Variants in ZNF696 observed in about 807,000 individuals in gnomAD.
ZNF696 encodes zinc finger protein 696.
Under a neutral mutation model 12.3 loss-of-function variants are expected in ZNF696, and 10 were observed. The observed-to-expected ratio is 0.81, with a 90% confidence interval of 0.50 to 1.38. ZNF696 has a LOEUF of 1.38. Among genes scored for constraint, ZNF696 ranks in the 40% most tolerant of loss-of-function variants. ZNF696 has a pLI of 0.00. For missense variants in ZNF696, 675 were observed against 554.7 expected (o/e 1.22, Z -2.18); for synonymous variants, 304 against 243.9 (o/e 1.25, Z -2.29).
chr8:143,297,840 G>A lies in ZNF696; in HGVS notation c.*1040G>A, dbSNP rs1224271584. 1 of 152,254 alleles carries A rather than the reference G, an allele frequency of 6.6e-6. No individual in the cohort carries two copies. The highest frequency in any genetic ancestry group is 6.5e-5 in the Admixed American group (1 of 15,282). 9.4% of individuals were successfully genotyped at this position (152,254 alleles called of 1,614,324 possible). On this transcript the variant is annotated 3_prime_UTR_variant, in exon 3 of 3. Transcript: ENST00000330143. ...CGTTGGTGTCTGAGAGGGAGTTGGA[G>A]AGCTGGTTGGTGTGGAGGGAAAGGC...
rs773436156 is a variant in ZNF696, at chr8:143,296,826, C to T, written c.*26C>T. The T allele has an allele frequency of 1.6e-5, 22 of 1,376,404 alleles. No individual in the cohort carries two copies. Among genetic ancestry groups the T allele is most frequent in the African/African-American group, 7.7e-5 (5 of 64,966 alleles). 85.3% of individuals were successfully genotyped at this position (1,376,404 alleles called of 1,614,324 possible). ...GCCGGGGCTGCGGCGGAAGAGATGC[C>T]GGCGGCCTGGTGGGCGCGAGGCCGA... On this transcript the variant is annotated 3_prime_UTR_variant, in exon 3 of 3. Transcript: ENST00000330143.
At position 143,296,258 on chromosome 8, in the gene ZNF696, A is replaced by T; in HGVS notation, c.583A>T (p.Asn195Tyr). Residue 195 changes from asparagine to tyrosine, a missense_variant, in exon 3 of 3, where the codon AAC becomes TAC. Coordinates refer to ENST00000330143, the MANE Select transcript of ZNF696 (RefSeq NM_030895.3). ...CGGCAAGGCCTTCGGCCAGAGCTTC[A>T]ACCTCCTCCGGCACCAGCGCGTGCA... is the stretch of plus-strand genomic sequence containing the variant. The part of the protein sequence containing the change: ...ECGKAFGQSF[N>Y]LLRHQRVHTG... 6.3e-7 allele frequency: 1 copy of T among 1,596,716 alleles called. No individual in the cohort carries two copies. The highest frequency in any genetic ancestry group is 2.2e-5 in the East Asian group (1 of 44,690).
chr8:143,297,019 T>G lies in ZNF696; in HGVS notation c.*219T>G. 3 of 461,744 alleles carry G rather than the reference T, an allele frequency of 6.5e-6. No individual in the cohort carries two copies. The highest frequency in any genetic ancestry group is 7.3e-6 in the Non-Finnish European group (2 of 275,166). 28.6% of individuals were successfully genotyped at this position (461,744 alleles called of 1,614,324 possible). A position where few individuals can be genotyped will look rare whatever the true frequency, so the allele number is the denominator to read the frequency against. On this transcript the variant is annotated 3_prime_UTR_variant, in exon 3 of 3. Transcript: ENST00000330143. Reference sequence around the variant, plus strand: ...GGCGAGCGCTGCCCGCGGGAGGCGATTCCCAGAGGCGGGGAGGTCTCAGGG... The same window carrying G: ...GGCGAGCGCTGCCCGCGGGAGGCGAGTCCCAGAGGCGGGGAGGTCTCAGGG...
Position 143,298,334 on chromosome 8 carries a change from A to G in ZNF696, c.*1534A>G, listed in dbSNP as rs115510595. 0.02 allele frequency among the ~76,000 whole-genome samples: 3,006 copies of G among 152,208 alleles called. 104 individuals are homozygous for G. The highest frequency in any genetic ancestry group is 0.069 in the African/African-American group (2,866 of 41,502). ...TTAGGGTTGTGCAGCCTGTAGGGGC[A>G]GGGGTGGTCTCAGAATGGATTTGGT... On this transcript the variant is annotated 3_prime_UTR_variant, in exon 3 of 3. Transcript: ENST00000330143.
chr8:143,292,707 C>T (rs1054995186), intron 1 of ZNF696, among the ~76,000 whole-genome samples: 4 of 152,248 alleles, frequency 2.6e-5, no homozygotes, highest in Non-Finnish European at 5.9e-5. Flanking sequence ...CCCACCTGTG[C>T]TCTGCGTCAG....
At position 143,296,680 on chromosome 8, in the gene ZNF696, C is replaced by T. The variant is rs967291026; in HGVS notation, c.1005C>T (p.Gly335=). ...GGCGCGCGTTCCGGGCGCTGTCGGGCTTCTTCCGGCACCAGCGACTCCACA... is the reference window on the plus strand; with the variant it reads ...GGCGCGCGTTCCGGGCGCTGTCGGGTTTCTTCCGGCACCAGCGACTCCACA... The part of the protein sequence containing the change: ...HCGRAFRALS[G]FFRHQRLHTG... Residue 335 remains glycine (G), a synonymous_variant, in exon 3 of 3, where the codon GGC becomes GGT. Transcript: ENST00000330143. 3 of 1,570,356 alleles carry T rather than the reference C, an allele frequency of 1.9e-6. No homozygotes were observed. Among genetic ancestry groups the T allele is most frequent in the African/African-American group, 2.7e-5 (2 of 73,300 alleles).
Position 143,295,822 on chromosome 8 carries a change from C to G in ZNF696, c.147C>G (p.Ala49=). 1 of 1,597,672 alleles carries G rather than the reference C, an allele frequency of 6.3e-7. No homozygotes were observed. Among genetic ancestry groups the G allele is most frequent in the African/African-American group, 1.3e-5 (1 of 74,524 alleles). The change falls in exon 3 of 3, where the codon GCC becomes GCG. Residue 49 remains alanine (A), a synonymous_variant. Transcript: ENST00000330143. ...EVQAAQSTEP[A]AEAGAPEGEG... is the part of the protein sequence containing the mutation. The stretch of plus-strand genomic sequence containing the variant: ...AGGCAGCTCAGAGCACGGAGCCTGC[C>G]GCAGAGGCAGGCGCTCCCGAGGGAG...
rs1307361169 is a variant in ZNF696, at chr8:143,291,533, G to GCCCGCGCGT, written c.-257_-249dup. On this transcript the variant is annotated 5_prime_UTR_variant, in exon 1 of 3. Transcript: ENST00000330143. ...GAACGGGGCGGTCACCGCCGCCGTG[G>GCCCGCGCGT]CCCGCGCGTCCCGCGCTCTCCTTGC... 1.1e-4 allele frequency: 105 copies of GCCCGCGCGT among 984,458 alleles called. No homozygotes were observed. Among genetic ancestry groups the GCCCGCGCGT allele is most frequent in the Non-Finnish European group, 1.2e-4 (96 of 829,038 alleles). 61.0% of individuals were successfully genotyped at this position (984,458 alleles called of 1,614,324 possible).
At position 143,296,085 on chromosome 8, in the gene ZNF696, C is replaced by A. The variant is rs933909096; in HGVS notation, c.410C>A (p.Ser137Tyr). Residue 137 changes from serine to tyrosine, a missense_variant, in exon 3 of 3, where the codon TCC becomes TAC. Physicochemically the swap from Ser to Tyr is moderately radical, Grantham distance 144 (BLOSUM62 -2). Coordinates refer to ENST00000330143, the MANE Select transcript of ZNF696 (RefSeq NM_030895.3). ...GCCTGTGGCCGCAGCTTCAAGTGCT[C>A]CTCGGACGCGGCAAAGCACCGGAGC... is the stretch of plus-strand genomic sequence containing the variant. ...CGACGRSFKC[S>Y]SDAAKHRSIH... 6.2e-7 allele frequency: 1 copy of A among 1,602,010 alleles called. No homozygotes were observed. Among genetic ancestry groups the A allele is most frequent in the Non-Finnish European group, 8.5e-7 (1 of 1,174,098 alleles).
Position 143,296,679 on chromosome 8 carries a change from G to T in ZNF696, c.1004G>T (p.Gly335Val). Reference sequence around the variant, plus strand: ...GGGCGCGCGTTCCGGGCGCTGTCGGGCTTCTTCCGGCACCAGCGACTCCAC... The same window carrying T: ...GGGCGCGCGTTCCGGGCGCTGTCGGTCTTCTTCCGGCACCAGCGACTCCAC... ...HCGRAFRALS[G>V]FFRHQRLHTG... The change falls in exon 3 of 3, where the codon GGC (glycine) becomes GTC (valine). Residue 335 changes from glycine (G) to valine (V), a missense_variant. Transcript: ENST00000330143. 6.4e-7 allele frequency: 1 copy of T among 1,566,288 alleles called. No homozygotes were observed. Among genetic ancestry groups the T allele is most frequent in the Non-Finnish European group, 8.6e-7 (1 of 1,163,916 alleles).
At chr8:143,295,227 C>G (rs986048114) in intron 2 of ZNF696, among the ~76,000 whole-genome samples, 1 of 152,234 alleles carries the variant, frequency 6.6e-6, no homozygotes, top group Non-Finnish European at 1.5e-5. Context: ...GCTTTCCCAG[C>G]TGTCCCGCAG....
At chr8:143,293,337 T>C in intron 2 of ZNF696, 1 of 548,416 alleles carries the variant, frequency 1.8e-6, no homozygotes, top group South Asian at 2.6e-5. Flanking sequence ...CTTCTCCACC[T>C]TGGCACCGTG....
At chr8:143,294,327 C>T (rs781360757) in intron 2 of ZNF696, among the ~76,000 whole-genome samples, 2 of 152,130 alleles carry the variant, frequency 1.3e-5, no homozygotes, top group African/African-American at 4.8e-5. Context: ...GCGCCGCCGC[C>T]GCCCAGCCCA....
chr8:143,292,308 C>T (rs1012726548), intron 1 of ZNF696: 1 of 152,202 alleles, frequency 6.6e-6, no homozygotes, highest in Admixed American at 6.5e-5. Flanking sequence ...AAATGTATTG[C>T]CTACTGGTTT....
In ZNF696 at chr8:143,296,509, C is replaced by G. The variant is rs1357577657; in HGVS notation, c.834C>G (p.Ser278=). The G allele has an allele frequency of 1.2e-6, 2 of 1,608,074 alleles. No homozygotes were observed. Among genetic ancestry groups the G allele is most frequent in the Admixed American group, 1.7e-5 (1 of 59,942 alleles). The change falls in exon 3 of 3, where the codon TCC becomes TCG. Residue 278 remains serine, a synonymous_variant. Transcript: ENST00000330143. ...RECGQAFSQS[S]NLLQHQRVHT... is the part of the protein sequence containing the mutation. ...GCGGCCAGGCCTTCAGCCAGAGCTC[C>G]AACCTCCTCCAGCACCAGCGCGTGC...
Position 143,295,972 on chromosome 8 carries a change from G to A in ZNF696, c.297G>A (p.Gln99=), listed in dbSNP as rs756752912. 6.3e-7 allele frequency: 1 copy of A among 1,582,610 alleles called. No homozygotes were observed. Residue 99 remains glutamine (Q), a synonymous_variant, in exon 3 of 3, where the codon CAG becomes CAA. Coordinates refer to ENST00000330143, the MANE Select transcript of ZNF696 (RefSeq NM_030895.3). Reference sequence around the variant, plus strand: ...TCACTTCTGAGAAAACTGGAGGACAGAGTGGCCTCGAGTCAGACGTCCCTC... The same window carrying A: ...TCACTTCTGAGAAAACTGGAGGACAAAGTGGCCTCGAGTCAGACGTCCCTC... ...GPVTSEKTGG[Q]SGLESDVPPN...
In ZNF696 at chr8:143,299,690, G is replaced by A. The variant is rs1488074810; in HGVS notation, c.*2890G>A. On this transcript the variant is annotated 3_prime_UTR_variant, in exon 3 of 3. Transcript: ENST00000330143. Reference sequence around the variant, plus strand: ...ATAAGAACGAAATCAGGCTGGGCCTGAGCGCTGTGGCTCACACCTGTAATC... The same window carrying A: ...ATAAGAACGAAATCAGGCTGGGCCTAAGCGCTGTGGCTCACACCTGTAATC... Among the ~76,000 whole-genome samples, 1 of 152,232 alleles carries A rather than the reference G, an allele frequency of 6.6e-6. No homozygotes were observed.
chr8:143,293,682 G>A (rs1422997338), intron 2 of ZNF696, among the ~76,000 whole-genome samples: 2 of 131,272 alleles, frequency 1.5e-5, no homozygotes, highest in South Asian at 2.2e-4. Flanking sequence ...GCTCCACCAC[G>A]TATGTGTCCC....
In ZNF696 at chr8:143,296,491, G is replaced by C; in HGVS notation, c.816G>C (p.Gln272His). Residue 272 changes from glutamine (Q) to histidine (H), a missense_variant, in exon 3 of 3, where the codon CAG becomes CAC. Transcript: ENST00000330143. ...CGTACGAGTGCCGGGAGTGCGGCCA[G>C]GCCTTCAGCCAGAGCTCCAACCTCC... is the stretch of plus-strand genomic sequence containing the variant. ...ENPYECRECG[Q>H]AFSQSSNLLQ... 1 of 1,608,752 alleles carries C rather than the reference G, an allele frequency of 6.2e-7. No individual in the cohort carries two copies.
Sources: gnomAD v4.1 joint callset for allele counts (sites outside exome capture counted in the v4.1 genomes callset) on GRCh38, gnomAD v4.1.1 for gene constraint, MANE v1.5 for transcripts, NCBI Gene and HGNC (gene_info 2026-07-23, HGNC 2026-07-21) for gene names.